Variants in AQP4 observed in about 807,000 individuals in gnomAD.
The protein encoded by AQP4 is aquaporin 4.
In AQP4, 18 loss-of-function variants were observed where a neutral mutation model predicts 27.8. That is an observed-to-expected ratio of 0.65 (90% CI 0.45 to 0.96). AQP4 has a LOEUF of 0.96. AQP4 is among the 40% of genes least tolerant of loss of function. The probability of loss-of-function intolerance (pLI) is 0.00; values close to 1 mark genes in which losing one functional copy is unlikely to be tolerated. For missense variants in AQP4, 412 were observed against 408.2 expected, an observed-to-expected ratio of 1.01 and a Z score of -0.08; for synonymous variants, 141 against 142.9, an observed-to-expected ratio of 0.99 and a Z score of 0.10.
At chr18:26,858,790 T>G (rs1341249923) in intron 4 of AQP4, among the ~76,000 whole-genome samples, 1 of 152,194 alleles carries the variant, frequency 6.6e-6, no homozygotes, top group Non-Finnish European at 1.5e-5. Flanking sequence ...CAGTGTCAAG[T>G]TGCTATTTCA....
In AQP4 at chr18:26,856,351, T is replaced by C. The variant is rs2144949828; in HGVS notation, c.832A>G (p.Met278Val). Residue 278 changes from methionine (M) to valine (V), a missense_variant, in exon 5 of 5, where the codon ATG becomes GTG. Coordinates refer to ENST00000383168, the MANE Select transcript of AQP4 (RefSeq NM_001650.7). ...TGACTCCTGTTGTCCTCCACCTCCA[T>C]GTAGCTTCCTTTTGTTTGCTGGGCA... ...KAAQQTKGSY[M>V]EVEDNRSQVE... The C allele has an allele frequency of 6.2e-7, 1 of 1,614,258 alleles. No individual in the cohort carries two copies. Among genetic ancestry groups the C allele is most frequent in the South Asian group, 1.1e-5 (1 of 91,084 alleles).
At chr18:26,860,750 G>A (rs1056302099) in intron 4 of AQP4, 22 bp downstream of exon 4, 1 of 1,593,404 alleles carries the variant, frequency 6.3e-7, no homozygotes, top group African/African-American at 1.3e-5. Flanking sequence ...AGGAAGATGG[G>A]AACTATCAAT....
chr18:26,860,249 A>G (rs1289200105), intron 4 of AQP4, among the ~76,000 whole-genome samples: 1 of 152,232 alleles, frequency 6.6e-6, no homozygotes. Flanking sequence ...CACCATCTGC[A>G]GTTCAAATAC....
rs759620679 is a variant in AQP4 at position 26,862,322 on chromosome 18, C to T, written c.307G>A (p.Ala103Thr). The stretch of plus-strand genomic sequence containing the variant: ...CTGATCTTCCTGGTGCACACCATGG[C>T]CACAGTCACTGCAGGGTTGATGTGG... The part of the protein sequence containing the change: ...GGHINPAVTV[A>T]MVCTRKISIA... Residue 103 changes from alanine (A) to threonine (T), a missense_variant, in exon 2 of 5, where the codon GCC becomes ACC. By Grantham distance (58) the Ala-to-Thr change is moderately conservative (BLOSUM62 0). Transcript: ENST00000383168. 19 of 1,614,096 alleles carry T rather than the reference C, an allele frequency of 1.2e-5. No homozygotes were observed. Among genetic ancestry groups the T allele is most frequent in the Non-Finnish European group, 1.6e-5 (19 of 1,180,034 alleles).
chr18:26,858,228 G>A (rs753006676), intron 4 of AQP4, among the ~76,000 whole-genome samples: 47 of 152,006 alleles, frequency 3.1e-4, no homozygotes, highest in Non-Finnish European at 6.0e-4. Context: ...AGCCATGATC[G>A]TGACACTCTA....
chr18:26,863,996 G>A (rs747420289), intron 1 of AQP4, among the ~76,000 whole-genome samples: 3 of 24,062 alleles, frequency 1.2e-4, no homozygotes, highest in African/African-American at 2.0e-4. Flanking sequence ...TCCCCTTTTG[G>A]GGGGGGGGGG....
intron 2 of AQP4, 194 bp downstream of exon 2, chr18:26,861,986 CAA>C (rs1168024438): frequency 1.5e-6 from 1 of 686,370 alleles, no homozygotes; most frequent in South Asian, 1.9e-5. Context: ...TTAAGGCACT[CAA>C]GAGCAAACAA....
In AQP4 at chr18:26,852,853, C is replaced by A. The variant is rs2054774736; in HGVS notation, c.*3358G>T. 5.0e-6 allele frequency: 2 copies of A among 398,452 alleles called. No homozygotes were observed. 24.7% of individuals were successfully genotyped at this position (398,452 alleles called of 1,614,324 possible). A position where few individuals can be genotyped will look rare whatever the true frequency, so the allele number is the denominator to read the frequency against. On this transcript the variant is annotated 3_prime_UTR_variant, in exon 5 of 5. Transcript: ENST00000383168. ...GTTTGATAAGGTTGTCTGTGCCCCC[C>A]AGACTTCCATCTTCAGTTGCCACAA...
At chr18:26,856,916 C>T (rs2054855461) in intron 4 of AQP4, among the ~76,000 whole-genome samples, 2 of 152,086 alleles carry the variant, frequency 1.3e-5, no homozygotes, top group Admixed American at 1.3e-4. Context: ...GATCATAACA[C>T]AGTTTTTATC....
chr18:26,861,831 C>A (rs945521270), intron 2 of AQP4, among the ~76,000 whole-genome samples: 1 of 151,358 alleles, frequency 6.6e-6, no homozygotes, highest in African/African-American at 2.4e-5. Flanking sequence ...ATGAACATGA[C>A]AAGAAAATAG....
chr18:26,865,078 C>T (rs1234959576), intron 1 of AQP4, among the ~76,000 whole-genome samples: 1 of 150,844 alleles, frequency 6.6e-6, no homozygotes, highest in Admixed American at 6.6e-5. Flanking sequence ...TGATCTTCTT[C>T]CAAGGCAGAT....
intron 1 of AQP4, among the ~76,000 whole-genome samples, chr18:26,864,155 T>A (rs956569175): frequency 8.5e-5 from 13 of 152,134 alleles, no homozygotes; most frequent in Non-Finnish European, 4.4e-5. Context: ...GCCAAGTACT[T>A]TAAGAGATTA....
intron 4 of AQP4, among the ~76,000 whole-genome samples, chr18:26,859,159 TTAAC>T (rs2054894960): frequency 6.6e-6 from 1 of 152,252 alleles, no homozygotes; most frequent in African/African-American, 2.4e-5. Flanking sequence ...GCTTATAAAT[TTAAC>T]TAAAAGTTGT....
At chr18:26,857,871 C>A (rs1026787713) in intron 4 of AQP4, among the ~76,000 whole-genome samples, 2 of 152,152 alleles carry the variant, frequency 1.3e-5, no homozygotes, top group Non-Finnish European at 2.9e-5. Flanking sequence ...TTATTCTTCC[C>A]ATTTTATGAA....
chr18:26,861,416 C>A, intron 2 of AQP4, 121 bp from the exon 3 acceptor site: 2 of 924,858 alleles, frequency 2.2e-6, no homozygotes, highest in Non-Finnish European at 3.4e-6. Flanking sequence ...TCTTCTACCC[C>A]ACCTTCAACT....
intron 4 of AQP4, among the ~76,000 whole-genome samples, chr18:26,859,479 C>CCACT (rs1442341038): frequency 6.6e-6 from 1 of 152,134 alleles, no homozygotes; most frequent in Non-Finnish European, 1.5e-5. Context: ...CGAGATCATG[C>CCACT]CACTGCACTC....
At position 26,862,436 on chromosome 18, in the gene AQP4, G is replaced by A. The variant is rs373708376; in HGVS notation, c.193C>T (p.Pro65Ser). ...STINWGGTEKPLPVDMVLISL... is the reference protein window; with the variant it reads ...STINWGGTEKSLPVDMVLISL... Reference sequence around the variant, plus strand: ...ATGAGAACCATGTCGACCGGTAAAGGCTTTTCTGTTCCACCCCAGTTGATG... The same window carrying A: ...ATGAGAACCATGTCGACCGGTAAAGACTTTTCTGTTCCACCCCAGTTGATG... Residue 65 changes from proline to serine, a missense_variant, in exon 2 of 5, where the codon CCT becomes TCT. Transcript: ENST00000383168. 30 of 1,614,094 alleles carry A rather than the reference G, an allele frequency of 1.9e-5. No homozygotes were observed. Among genetic ancestry groups the A allele is most frequent in the Non-Finnish European group, 2.1e-5 (25 of 1,180,046 alleles).
chr18:26,862,500 C>A lies in AQP4; in HGVS notation c.129G>T (p.Leu43=). 6.2e-7 allele frequency: 1 copy of A among 1,614,166 alleles called. No homozygotes were observed. The highest frequency in any genetic ancestry group is 8.5e-7 in the Non-Finnish European group (1 of 1,180,028). The change falls in exon 2 of 5, where the codon CTG becomes CTT. Residue 43 remains leucine (L), a synonymous_variant. Coordinates refer to ENST00000383168, the MANE Select transcript of AQP4 (RefSeq NM_001650.7). ...TGAGGAGAACAAAAATAAGCATGGC[C>A]AGAAATTCCGCTGTGACTGCTTTCC... ...AFWKAVTAEF[L]AMLIFVLLSL...
At chr18:26,864,599 G>A (rs552396110) in intron 1 of AQP4, among the ~76,000 whole-genome samples, 7 of 152,140 alleles carry the variant, frequency 4.6e-5, no homozygotes, top group Non-Finnish European at 8.8e-5. Context: ...TCCCAAAGAC[G>A]GTAAACTCAG....
Sources: gnomAD v4.1 joint callset for allele counts (sites outside exome capture counted in the v4.1 genomes callset) on GRCh38, gnomAD v4.1.1 for gene constraint, MANE v1.5 for transcripts, NCBI Gene and HGNC (gene_info 2026-07-23, HGNC 2026-07-21) for gene names.